MAGI1: variants seen among roughly 807,000 people sequenced by gnomAD.
The protein encoded by MAGI1 is membrane associated guanylate kinase, WW and PDZ domain containing 1, also known as membrane-associated guanylate kinase, WW and PDZ domain-containing protein 1.
Under a neutral mutation model 139.9 loss-of-function variants are expected in MAGI1, and 58 were observed. The observed-to-expected ratio is 0.41, with a 90% CI of 0.34 to 0.52. The LOEUF is 0.52. Among genes scored for constraint, MAGI1 ranks in the 20% least tolerant of loss-of-function variants. The pLI is 0.12. For missense variants in MAGI1, 1,874 were observed against 1,901.6 expected, an observed-to-expected ratio of 0.99 and a Z score of 0.27; for synonymous variants, 812 against 737.9, an observed-to-expected ratio of 1.10 and a Z score of -1.63.
intron 2 of MAGI1, among the ~76,000 whole-genome samples, chr3:65,607,727 C>A (rs553666075): frequency 8.8e-4 from 134 of 152,098 alleles, no homozygotes; most frequent in Non-Finnish European, 1.7e-3. Flanking sequence ...CACTTCTGGT[C>A]CTCATTTGTT....
At chr3:65,391,090 G>A in intron 14 of MAGI1, 52 bp downstream of exon 14, 1 of 1,472,836 alleles carries the variant, frequency 6.8e-7, no homozygotes, top group Admixed American at 1.8e-5. Flanking sequence ...CAAGAGAAAG[G>A]TAGAGCCCTG....
intron 2 of MAGI1, among the ~76,000 whole-genome samples, chr3:65,578,747 C>T (rs1426853257): frequency 6.6e-6 from 1 of 152,194 alleles, no homozygotes; most frequent in Non-Finnish European, 1.5e-5. Context: ...TGGTGAAACC[C>T]CATCTCTACT....
intron 1 of MAGI1, among the ~76,000 whole-genome samples, chr3:65,959,598 ATTT>A (rs199630517): frequency 1.5e-5 from 2 of 137,846 alleles, no homozygotes; most frequent in African/African-American, 5.4e-5. Context: ...CCATCCCAGC[ATTT>A]TTATTATTAT....
intron 1 of MAGI1, among the ~76,000 whole-genome samples, chr3:65,807,708 T>C (rs1270755077): frequency 6.6e-6 from 1 of 152,114 alleles, no homozygotes; most frequent in Admixed American, 6.5e-5. Context: ...CAACAGATAA[T>C]GTCTGGTAGT....
chr3:65,797,067 A>G (rs2040194799), intron 1 of MAGI1, among the ~76,000 whole-genome samples: 1 of 152,114 alleles, frequency 6.6e-6, no homozygotes, highest in Non-Finnish European at 1.5e-5. Context: ...GCTATGCCGC[A>G]TGAGTTCTGA....
chr3:65,629,171 G>C (rs1399913404), intron 1 of MAGI1, among the ~76,000 whole-genome samples: 1 of 152,134 alleles, frequency 6.6e-6, no homozygotes, highest in Non-Finnish European at 1.5e-5. Context: ...TCCTAGGATA[G>C]AGATCTGAAA....
chr3:65,508,277 G>T (rs11920043), intron 2 of MAGI1, among the ~76,000 whole-genome samples: 31,267 of 151,768 alleles, frequency 0.21, 3,351 homozygotes, highest in African/African-American at 0.26. Flanking sequence ...GGCAGTGGGC[G>T]CCTGTAGTCC....
At chr3:65,421,606 G>A (rs1193853070) in intron 12 of MAGI1, among the ~76,000 whole-genome samples, 1 of 152,160 alleles carries the variant, frequency 6.6e-6, no homozygotes, top group Non-Finnish European at 1.5e-5. Flanking sequence ...TTTTAGTTGA[G>A]TTTTTCTCGT....
At chr3:66,009,619 T>C (rs918673526) in intron 1 of MAGI1, among the ~76,000 whole-genome samples, 1 of 152,216 alleles carries the variant, frequency 6.6e-6, no homozygotes, top group Non-Finnish European at 1.5e-5. Flanking sequence ...GATACCTACA[T>C]AATAATGTTA....
chr3:65,963,156 A>G (rs1276849600), intron 1 of MAGI1, among the ~76,000 whole-genome samples: 3 of 37,632 alleles, frequency 8.0e-5, no homozygotes, highest in Admixed American at 1.8e-4. Flanking sequence ...CACAGTGGGG[A>G]AAAAAAAAAA....
intron 4 of MAGI1, among the ~76,000 whole-genome samples, chr3:65,471,196 A>G (rs1950541072): frequency 6.6e-6 from 1 of 152,132 alleles, no homozygotes; most frequent in Non-Finnish European, 1.5e-5. Context: ...GAAATACTTG[A>G]GTCTCCTTGC....
intron 12 of MAGI1, among the ~76,000 whole-genome samples, chr3:65,422,066 T>C (rs1274667946): frequency 6.6e-6 from 1 of 152,112 alleles, no homozygotes; most frequent in Admixed American, 6.6e-5. Flanking sequence ...CTTCTGAGGG[T>C]GCAATAATTA....
intron 1 of MAGI1, among the ~76,000 whole-genome samples, chr3:65,804,602 TAC>T (rs55729389): frequency 0.26 from 39,541 of 151,858 alleles, 5,427 homozygotes; most frequent in East Asian, 0.42. Context: ...GGTTTTTCTG[TAC>T]ACATCATGAA....
At chr3:65,685,833 G>A (rs186184019) in intron 1 of MAGI1, among the ~76,000 whole-genome samples, 222 of 152,274 alleles carry the variant, frequency 1.5e-3, no homozygotes, top group African/African-American at 4.8e-3. Flanking sequence ...TACTGAGAGA[G>A]ACAGAAATTA....
intron 1 of MAGI1, among the ~76,000 whole-genome samples, chr3:65,947,735 G>T (rs1032501717): frequency 2.6e-5 from 4 of 152,036 alleles, no homozygotes; most frequent in Admixed American, 1.3e-4. Flanking sequence ...TCCCACATCA[G>T]CCTCCTGAGT....
chr3:65,356,603 T>C lies in MAGI1; in HGVS notation c.4164A>G (p.Arg1388=), dbSNP rs199866884. Residue 1388 remains arginine (R), a synonymous_variant, in exon 23 of 23, where the codon AGA becomes AGG. Coordinates refer to ENST00000402939, the MANE Select transcript of MAGI1 (RefSeq NM_001033057.2). ...TGGCCCTGCGCTCGGGCGAGCCCCC[T>C]CTCCTGCGCTCGGGGGACCTCCTCT... The part of the protein sequence containing the change: ...LEQRRSPERR[R]GGSPERRAKS... 1.1e-4 allele frequency: 173 copies of C among 1,591,502 alleles called. No homozygotes were observed. Among genetic ancestry groups the C allele is most frequent in the Middle Eastern group, 1.7e-4 (1 of 5,940 alleles).
chr3:65,425,282 C>T (rs948859325), intron 12 of MAGI1, among the ~76,000 whole-genome samples: 2 of 152,130 alleles, frequency 1.3e-5, no homozygotes, highest in East Asian at 1.9e-4. Context: ...GGCACAAATG[C>T]TACCTTATTT....
chr3:65,773,833 T>C (rs902889984), intron 1 of MAGI1, among the ~76,000 whole-genome samples: 1 of 152,192 alleles, frequency 6.6e-6, no homozygotes, highest in Admixed American at 6.5e-5. Flanking sequence ...TTTTAATGAC[T>C]TTTTTAATTC....
At chr3:65,418,870 G>A (rs898264432) in intron 12 of MAGI1, among the ~76,000 whole-genome samples, 15 of 152,166 alleles carry the variant, frequency 9.9e-5, no homozygotes, top group South Asian at 2.1e-4. Context: ...CTCAGGGGAC[G>A]TTATGCCACA....
Sources: allele counts gnomAD v4.1 joint callset (sites outside exome capture counted in the v4.1 genomes callset), GRCh38; gene constraint gnomAD v4.1.1; transcripts MANE v1.5; gene names NCBI Gene and HGNC (gene_info 2026-07-23, HGNC 2026-07-21).